The following HDAC8 variants were observed in gnomAD, a reference collection of about 807,000 sequenced individuals.
HDAC8 encodes the protein histone deacetylase 8.
HDAC8 carries 1 observed loss-of-function variant against 32.2 expected under a neutral mutation model. That is an observed-to-expected ratio of 0.03 (90% CI 0.01 to 0.15). HDAC8 has a LOEUF of 0.15. Ranked by LOEUF, HDAC8 falls within the 10% of genes least tolerant of loss-of-function variation. HDAC8 has a pLI of 1.00. For synonymous variants in HDAC8, 108 were observed against 113.9 expected, an observed-to-expected ratio of 0.95 and a Z score of 0.33; for missense variants, 117 against 300.0, an observed-to-expected ratio of 0.39 and a Z score of 4.51.
intron 9 of HDAC8, among the ~76,000 whole-genome samples, chrX:72,409,104 C>T (rs1280565388): frequency 1.8e-5 from 2 of 112,235 alleles, no homozygotes; most frequent in Non-Finnish European, 3.8e-5. Context: ...TCAAATTGCT[C>T]TAACAGAAAC....
chrX:72,514,104 A>G (rs544184204), intron 4 of HDAC8, among the ~76,000 whole-genome samples: 2 of 112,687 alleles, frequency 1.8e-5, no homozygotes, highest in African/African-American at 6.4e-5. Context: ...TGAAACTCAG[A>G]AGGTAATTCA....
intron 4 of HDAC8, among the ~76,000 whole-genome samples, chrX:72,529,016 G>A (rs1463737501): frequency 8.9e-6 from 1 of 112,005 alleles, no homozygotes; most frequent in Non-Finnish European, 1.9e-5. Context: ...CTCAAGCAAG[G>A]CCACATACTA....
At chrX:72,452,579 T>C (rs1380316771) in intron 9 of HDAC8, among the ~76,000 whole-genome samples, 7 of 111,700 alleles carry the variant, frequency 6.3e-5, no homozygotes, top group Non-Finnish European at 9.4e-5. Flanking sequence ...TTCACAGGGG[T>C]AGTACATTCA....
At chrX:72,368,897 TC>T (rs1300189815) in intron 9 of HDAC8, among the ~76,000 whole-genome samples, 1 of 112,228 alleles carries the variant, frequency 8.9e-6, no homozygotes, top group Non-Finnish European at 1.9e-5. Flanking sequence ...GAGGAAAGGC[TC>T]ATTAGGCAAT....
intron 9 of HDAC8, among the ~76,000 whole-genome samples, chrX:72,446,812 C>G (rs1475155203): frequency 4.5e-5 from 5 of 111,665 alleles, no homozygotes; most frequent in Admixed American, 3.8e-4. Context: ...ATAAACACCT[C>G]TACACGAATA....
intron 8 of HDAC8, chrX:72,462,492 A>C: frequency 8.3e-6 from 1 of 120,090 alleles, no homozygotes. Flanking sequence ...ATTCTATAAA[A>C]TGACTGCTGA....
chrX:72,548,849 T>C (rs1434603970), intron 4 of HDAC8, among the ~76,000 whole-genome samples: 1 of 111,636 alleles, frequency 9.0e-6, no homozygotes, highest in Non-Finnish European at 1.9e-5. Context: ...TTCTAATTCT[T>C]TGTAGAGATG....
At chrX:72,389,457 G>A (rs1385561333) in intron 9 of HDAC8, among the ~76,000 whole-genome samples, 1 of 111,951 alleles carries the variant, frequency 8.9e-6, no homozygotes, top group African/African-American at 3.3e-5. Context: ...TTCAAAATAT[G>A]GCTTTCTCAC....
At chrX:72,479,693 G>A (rs1466499174) in intron 7 of HDAC8, among the ~76,000 whole-genome samples, 7 of 112,616 alleles carry the variant, frequency 6.2e-5, no homozygotes, top group Non-Finnish European at 1.3e-4. Context: ...GGACTGTCAT[G>A]ATGGCAGGGC....
intron 9 of HDAC8, among the ~76,000 whole-genome samples, chrX:72,408,819 T>C (rs1038503968): frequency 1.2e-4 from 13 of 111,443 alleles, no homozygotes; most frequent in Non-Finnish European, 2.4e-4. Context: ...GAGAGAATAG[T>C]AGGAAATGAG....
chrX:72,397,946 G>A (rs782289738), intron 9 of HDAC8, among the ~76,000 whole-genome samples: 39 of 111,614 alleles, frequency 3.5e-4, no homozygotes, highest in Non-Finnish European at 5.3e-4. Context: ...GTACACCTGT[G>A]CAAGTTTCTC....
chrX:72,390,314 A>G (rs1250052904), intron 9 of HDAC8, among the ~76,000 whole-genome samples: 1 of 112,446 alleles, frequency 8.9e-6, no homozygotes, highest in Non-Finnish European at 1.9e-5. Flanking sequence ...TAACAGTGTG[A>G]TATTTTGATA....
intron 9 of HDAC8, among the ~76,000 whole-genome samples, chrX:72,354,834 C>G (rs1013904901): frequency 3.6e-5 from 4 of 111,631 alleles, no homozygotes; most frequent in African/African-American, 1.3e-4. Flanking sequence ...AAATGCTGAC[C>G]TGGTTGGGCT....
chrX:72,336,236 G>A (rs1405159094), intron 10 of HDAC8, among the ~76,000 whole-genome samples: 1 of 111,589 alleles, frequency 9.0e-6, no homozygotes, highest in African/African-American at 3.3e-5. Context: ...GATATGTAAT[G>A]GTATCTCATT....
At chrX:72,560,827 A>G (rs1181605321) in intron 4 of HDAC8, among the ~76,000 whole-genome samples, 3 of 109,688 alleles carry the variant, frequency 2.7e-5, no homozygotes, top group East Asian at 2.8e-4. Context: ...TTTTTAATAC[A>G]CTTATGTGGT....
intron 7 of HDAC8, chrX:72,474,606 C>A: frequency 2.5e-6 from 3 of 1,184,335 alleles, no homozygotes; most frequent in Non-Finnish European, 3.4e-6. Flanking sequence ...ATGCAGTTTT[C>A]TTGATGAGAA....
At chrX:72,344,863 TA>T (rs1309206395) in intron 10 of HDAC8, among the ~76,000 whole-genome samples, 1 of 112,032 alleles carries the variant, frequency 8.9e-6, no homozygotes, top group Admixed American at 9.5e-5. Context: ...AGTCTTGCAC[TA>T]CCATCACCAT....
intron 9 of HDAC8, among the ~76,000 whole-genome samples, chrX:72,379,966 G>C (rs1391959695): frequency 9.0e-6 from 1 of 111,190 alleles, no homozygotes; most frequent in Non-Finnish European, 1.9e-5. Flanking sequence ...AAGATGCTCT[G>C]TGTGTATGTT....
chrX:72,460,482 C>A (rs782226075), intron 9 of HDAC8, among the ~76,000 whole-genome samples: 1 of 111,507 alleles, frequency 9.0e-6, no homozygotes, highest in African/African-American at 3.3e-5. Context: ...CAGGGAACTA[C>A]GTGTTAGGCA....
Sources: allele counts gnomAD v4.1 joint callset (sites outside exome capture counted in the v4.1 genomes callset), GRCh38; gene constraint gnomAD v4.1.1; transcripts MANE v1.5; gene names NCBI Gene and HGNC (gene_info 2026-07-23, HGNC 2026-07-21).